Variants in ARHGEF10 observed in about 807,000 individuals in gnomAD.
ARHGEF10 encodes the protein Rho guanine nucleotide exchange factor (GEF) 10.
A neutral mutation model predicts 147.4 loss-of-function variants in ARHGEF10; 140 were observed. The ratio of observed to expected loss-of-function variants is 0.95; its 90% confidence interval spans 0.83 to 1.09. The LOEUF is 1.09. ARHGEF10 is among the 50% of genes least tolerant of loss of function. The pLI is 0.00. For missense variants in ARHGEF10, 2,222 were observed against 1,752.7 expected, an observed-to-expected ratio of 1.27 and a Z score of -4.78; for synonymous variants, 902 against 695.8, an observed-to-expected ratio of 1.30 and a Z score of -4.67.
rs146717173 is a variant in ARHGEF10, at chr8:1,905,597, C to T, written c.1848C>T (p.Leu616=). The T allele has an allele frequency of 4.5e-5, 73 of 1,614,066 alleles. No individual in the cohort carries two copies. The highest frequency in any genetic ancestry group is 6.0e-5 in the Non-Finnish European group (71 of 1,180,048). The change falls in exon 17 of 29, where the codon CTC becomes CTT. Residue 616 remains leucine, a synonymous_variant. Transcript: ENST00000349830. ...NKLLSSGSRY[L]IRSDDMIETV... ...TTCTCAGCAGTGGAAGCCGATACCT[C>T]ATTCGATCAGATGATATGATAGAAA...
At chr8:1,914,560 G>A (rs111867657) in intron 18 of ARHGEF10, among the ~76,000 whole-genome samples, 6 of 152,346 alleles carry the variant, frequency 3.9e-5, no homozygotes, top group African/African-American at 7.2e-5. Context: ...AGTGAACTTC[G>A]TTTTGAAGGT....
chr8:1,871,463 A>G (rs952549085), intron 7 of ARHGEF10, among the ~76,000 whole-genome samples: 1 of 152,228 alleles, frequency 6.6e-6, no homozygotes, highest in African/African-American at 2.4e-5. Flanking sequence ...AATAATAAAA[A>G]CATTACATAA....
At chr8:1,862,652 G>T (rs905984049) in intron 4 of ARHGEF10, among the ~76,000 whole-genome samples, 1 of 152,210 alleles carries the variant, frequency 6.6e-6, no homozygotes, top group African/African-American at 2.4e-5. Flanking sequence ...CCCCCGTGGG[G>T]GAGACATTTC....
intron 8 of ARHGEF10, among the ~76,000 whole-genome samples, chr8:1,878,137 G>A (rs1455885363): frequency 6.6e-6 from 1 of 151,936 alleles, no homozygotes; most frequent in Non-Finnish European, 1.5e-5. Context: ...TTCTGCCACC[G>A]TCATCATTAC....
chr8:1,927,720 C>T (rs549510484), intron 23 of ARHGEF10, among the ~76,000 whole-genome samples: 1 of 152,266 alleles, frequency 6.6e-6, no homozygotes, highest in South Asian at 2.1e-4. Context: ...TGAGACCAGC[C>T]TGGCCAAACA....
chr8:1,865,762 C>G (rs1806549383), intron 5 of ARHGEF10, among the ~76,000 whole-genome samples: 1 of 152,188 alleles, frequency 6.6e-6, no homozygotes, highest in Non-Finnish European at 1.5e-5. Context: ...TTTCCGAGGC[C>G]TTCCATACAC....
At chr8:1,946,061 G>C (rs942545959) in intron 27 of ARHGEF10, 1 of 356,140 alleles carries the variant, frequency 2.8e-6, no homozygotes, top group Non-Finnish European at 5.4e-6. Flanking sequence ...GTTGGGGAGA[G>C]GCCAACAGAG....
chr8:1,858,962 C>G (rs1459991674), intron 3 of ARHGEF10: 1 of 188,792 alleles, frequency 5.3e-6, no homozygotes, highest in African/African-American at 2.4e-5. Flanking sequence ...TTTCTTTGTG[C>G]GTAGCACCAG....
At chr8:1,833,363 G>C (rs1014863168) in intron 1 of ARHGEF10, among the ~76,000 whole-genome samples, 1 of 138,100 alleles carries the variant, frequency 7.2e-6, no homozygotes. Flanking sequence ...GAGAGAGACA[G>C]AGGCAGAGAC....
chr8:1,923,348 A>G (rs1585554577), intron 19 of ARHGEF10, 120 bp from the exon 20 acceptor site: 6 of 1,456,216 alleles, frequency 4.1e-6, no homozygotes, highest in Admixed American at 1.9e-5. Flanking sequence ...TTTCTTTTTC[A>G]TAATCTAATA....
At chr8:1,855,197 T>TA (rs1318934594) in intron 2 of ARHGEF10, among the ~76,000 whole-genome samples, 1 of 152,230 alleles carries the variant, frequency 6.6e-6, no homozygotes, top group Admixed American at 6.5e-5. Flanking sequence ...CAAGCTTTTT[T>TA]AAAAAACAAT....
chr8:1,949,759 G>C (rs1814879623), intron 27 of ARHGEF10, among the ~76,000 whole-genome samples: 4 of 151,992 alleles, frequency 2.6e-5, no homozygotes. Context: ...TCAAGATGGT[G>C]AGTTAACGAA....
At chr8:1,916,653 A>G (rs1160458436) in intron 18 of ARHGEF10, among the ~76,000 whole-genome samples, 1 of 152,202 alleles carries the variant, frequency 6.6e-6, no homozygotes, top group South Asian at 2.1e-4. Context: ...CTACTGGTTC[A>G]TAACCAAGAT....
At chr8:1,951,923 C>CGTGAGGCGGGGTCTTCCCTGTAACCACT (rs1165186131) in intron 27 of ARHGEF10, among the ~76,000 whole-genome samples, 8 of 152,136 alleles carry the variant, frequency 5.3e-5, no homozygotes, top group South Asian at 2.1e-4. Flanking sequence ...TTGTAGCCAC[C>CGTGAGGCGGGGTCTTCCCTGTAACCACT]GTGAGGCGGG....
chr8:1,887,246 C>T (rs1007977603), intron 11 of ARHGEF10, among the ~76,000 whole-genome samples: 3 of 152,234 alleles, frequency 2.0e-5, no homozygotes, highest in African/African-American at 7.2e-5. Context: ...AGGGGAAATG[C>T]TTCCTAGCAG....
intron 8 of ARHGEF10, among the ~76,000 whole-genome samples, 157 bp downstream of exon 8, chr8:1,876,891 C>T (rs574155940): frequency 3.9e-5 from 6 of 152,264 alleles, no homozygotes; most frequent in Admixed American, 1.3e-4. Context: ...AAGGAGAAGA[C>T]GTGTCTTGTT....
intron 27 of ARHGEF10, among the ~76,000 whole-genome samples, chr8:1,946,289 GGAAGACATTT>G (rs1226391175): frequency 1.3e-5 from 2 of 152,226 alleles, no homozygotes; most frequent in Non-Finnish European, 2.9e-5. Context: ...GGTGGGTATT[GGAAGACATTT>G]GCAGTTTTAA....
At chr8:1,825,522 T>G (rs1802721258) in intron 1 of ARHGEF10, among the ~76,000 whole-genome samples, 1 of 140,412 alleles carries the variant, frequency 7.1e-6, no homozygotes, top group Non-Finnish European at 1.5e-5. Context: ...CCTGTTCCCC[T>G]GCACCCCACA....
In ARHGEF10 at chr8:1,948,339, G is replaced by A. The variant is rs1009820613; in HGVS notation, c.3397+2684G>A. On this transcript the variant is annotated intron_variant, in intron 27 of 28. Coordinates refer to ENST00000349830, the MANE Select transcript of ARHGEF10 (RefSeq NM_014629.4). The surrounding 1 kb of genome is among the most constrained non-coding windows in gnomAD (Gnocchi z 4.9). ...ATAGTCAGGTCTGCATTTTAGACCCGCATGAAAGCAAACACATGAGTCTGT... is the reference window on the plus strand; with the variant it reads ...ATAGTCAGGTCTGCATTTTAGACCCACATGAAAGCAAACACATGAGTCTGT... Among the ~76,000 whole-genome samples the A allele has an allele frequency of 1.5e-4, 23 of 152,140 alleles. No individual in the cohort carries two copies. Among genetic ancestry groups the A allele is most frequent in the Non-Finnish European group, 2.8e-4 (19 of 68,028 alleles).
Sources: allele counts gnomAD v4.1 joint callset (sites outside exome capture counted in the v4.1 genomes callset), GRCh38; gene constraint gnomAD v4.1.1; non-coding constraint Gnocchi (gnomAD v3.1); transcripts MANE v1.5; gene names NCBI Gene and HGNC (gene_info 2026-07-23, HGNC 2026-07-21).